Variants in C6orf132 observed in about 807,000 individuals in gnomAD.
C6orf132 encodes uncharacterized protein C6orf132.
C6orf132 carries 43 observed loss-of-function variants against 65.3 expected under a neutral mutation model. The ratio of observed to expected loss-of-function variants is 0.66; its 90% CI spans 0.52 to 0.85. C6orf132 has a LOEUF of 0.85. C6orf132 is among the 40% of genes least tolerant of loss of function. The pLI is 0.00. For missense variants in C6orf132, 1,488 were observed against 1,548.8 expected, an observed-to-expected ratio of 0.96 and a Z score of 0.66; for synonymous variants, 631 against 654.1, an observed-to-expected ratio of 0.96 and a Z score of 0.54.
intron 2 of C6orf132, among the ~76,000 whole-genome samples, chr6:42,119,291 C>T (rs1360542104): frequency 6.9e-6 from 1 of 144,672 alleles, no homozygotes; most frequent in Non-Finnish European, 1.5e-5. Flanking sequence ...AATTCCTGGC[C>T]TCCCAAAGTT....
At position 42,104,338 on chromosome 6, in the gene C6orf132, T is replaced by C. The variant is rs949151433; in HGVS notation, c.3449+125A>G. 31 of 1,221,358 alleles carry C rather than the reference T, an allele frequency of 2.5e-5. No homozygotes were observed. The Admixed American group carries it at 9.0e-4, about 35-fold the overall frequency. The allele number at this position is 1,221,358 out of a possible 1,614,324, so 75.7% of individuals were successfully genotyped here. A position where few individuals can be genotyped will look rare whatever the true frequency, so the allele number is the denominator to read the frequency against. ...CCGGTAAGTGGGCCTCCCTCCCGCGTTCTACCTGCAAGGCCGAAGGGAGAA... is the reference window on the plus strand; with the variant it reads ...CCGGTAAGTGGGCCTCCCTCCCGCGCTCTACCTGCAAGGCCGAAGGGAGAA... On this transcript the variant is annotated intron_variant, in intron 4 of 4. Transcript: ENST00000341865. The surrounding 1 kb of genome is among the most constrained non-coding windows in gnomAD (Gnocchi z 4.1).
chr6:42,116,839 T>A (rs189823684), intron 2 of C6orf132, among the ~76,000 whole-genome samples: 3 of 152,084 alleles, frequency 2.0e-5, no homozygotes, highest in East Asian at 3.9e-4. Context: ...GCAGCAGGGG[T>A]CCTCAGTGGG....
At position 42,106,955 on chromosome 6, in the gene C6orf132, TTCCTGAACTGGGATGGACGAAG is replaced by T. The variant is rs1291418188; in HGVS notation, c.935_956del (p.Thr312LysfsTer198). 1 of 1,536,178 alleles carries T rather than the reference TTCCTGAACTGGGATGGACGAAG, an allele frequency of 6.5e-7. No homozygotes were observed. Among genetic ancestry groups the T allele is most frequent in the Admixed American group, 2.0e-5 (1 of 50,928 alleles). On this transcript the variant is annotated frameshift_variant, in exon 4 of 5. Transcript: ENST00000341865. LOFTEE classifies it high-confidence loss of function. Reference sequence around the variant, plus strand: ...CTTCCTTTCGGGGAGCCTCTTGTGCTTCCTGAACTGGGATGGACGAAGTCCTGACTGGGGTTGGGGGAGGCAC... The same window carrying T: ...CTTCCTTTCGGGGAGCCTCTTGTGCTTCCTGACTGGGGTTGGGGGAGGCAC...
chr6:42,106,675 C>T lies in C6orf132; in HGVS notation c.1237G>A (p.Ala413Thr). The T allele has an allele frequency of 9.9e-7, 1 of 1,014,168 alleles. No individual in the cohort carries two copies. Among genetic ancestry groups the T allele is most frequent in the Non-Finnish European group, 1.2e-6 (1 of 845,544 alleles). The allele number at this position is 1,014,168 out of a possible 1,614,324, so 62.8% of individuals were successfully genotyped here. A position where few individuals can be genotyped will look rare whatever the true frequency, so the allele number is the denominator to read the frequency against. The change falls in exon 4 of 5, where the codon GCT (alanine) becomes ACT (threonine). Residue 413 changes from alanine to threonine, a missense_variant. Transcript: ENST00000341865. ...TGAGCACAGGGCAAAGGAGGTGCAG[C>T]TGGGGGAAGTGGGGGTGCTGGGGGA... is the stretch of plus-strand genomic sequence containing the variant. The part of the protein sequence containing the change: ...LPPPAPPLPP[A>T]APPLPCAQKA...
Position 42,115,707 on chromosome 6 carries a change from T to G in C6orf132, c.253-5416A>C, listed in dbSNP as rs574689104. Among the ~76,000 whole-genome samples the G allele has an allele frequency of 2.0e-5, 3 of 152,078 alleles. No individual in the cohort carries two copies. The South Asian group carries it at 6.2e-4, about 32-fold the overall frequency. On this transcript the variant is annotated intron_variant, in intron 2 of 4. Transcript: ENST00000341865. The stretch of plus-strand genomic sequence containing the variant: ...AACGGTAAATTTTATCTTATGTATA[T>G]CTTATAATAAAAAAGTTAAACAAAA...
chr6:42,119,248 C>CAAAAAAAAAAAAAAAAAAAAAAA (rs1156356191), intron 2 of C6orf132, among the ~76,000 whole-genome samples: 3 of 44,778 alleles, frequency 6.7e-5, no homozygotes, highest in African/African-American at 2.9e-4. Context: ...GACTCTGTCT[C>CAAAAAAAAAAAAAAAAAAAAAAA]AAAAAAAAAA....
chr6:42,104,797 AGCGCGAGAAGCC>A lies in C6orf132; in HGVS notation c.3103_3114del (p.Gly1035_Arg1038del), dbSNP rs1766362712. On this transcript the variant is annotated inframe_deletion, in exon 4 of 5. Coordinates refer to ENST00000341865, the MANE Select transcript of C6orf132 (RefSeq NM_001164446.3). The surrounding 1 kb of genome is among the most constrained non-coding windows in gnomAD (Gnocchi z 4.1). ...CCGGCGTAGCGCGCGCCCGCGGGAA[AGCGCGAGAAGCC>A]GAGAGCCGGGGGCGCCCCGGGGCCA... The A allele has an allele frequency of 6.7e-7, 1 of 1,491,592 alleles. No homozygotes were observed. Among genetic ancestry groups the A allele is most frequent in the Middle Eastern group, 2.1e-4 (1 of 4,834 alleles). The allele number at this position is 1,491,592 out of a possible 1,614,324, so 92.4% of individuals were successfully genotyped here.
chr6:42,127,254 C>T (rs1766782292), intron 2 of C6orf132, among the ~76,000 whole-genome samples: 1 of 152,182 alleles, frequency 6.6e-6, no homozygotes, highest in Admixed American at 6.5e-5. Context: ...TGATTTATAC[C>T]TTGTTGGTGG....
In C6orf132 at chr6:42,105,070, T is replaced by C. The variant is rs1233071167; in HGVS notation, c.2842A>G (p.Arg948Gly). 6.5e-7 allele frequency: 1 copy of C among 1,536,900 alleles called. No individual in the cohort carries two copies. ...PEPQAPVAWE[R>G]VAPSNLPQGH... ...TGGGGGAGGTTGGAGGGAGCTACTC[T>C]TTCCCAGGCCACAGGGGCCTGGGGC... The change falls in exon 4 of 5, where the codon AGA (arginine) becomes GGA (glycine). Residue 948 changes from arginine to glycine, a missense_variant. Coordinates refer to ENST00000341865, the MANE Select transcript of C6orf132 (RefSeq NM_001164446.3).
intron 2 of C6orf132, among the ~76,000 whole-genome samples, chr6:42,121,628 T>G (rs938865206): frequency 1.3e-5 from 2 of 152,230 alleles, no homozygotes; most frequent in Non-Finnish European, 2.9e-5. Context: ...GCTGGGCCAG[T>G]GGGCAATGCA....
rs552432298 is a variant in C6orf132 at position 42,133,239 on chromosome 6, C to T, written c.146-4461G>A. On this transcript the variant is annotated intron_variant, in intron 1 of 4. Coordinates refer to ENST00000341865, the MANE Select transcript of C6orf132 (RefSeq NM_001164446.3). ...CTGGTTTCCCTTGAGGAAGGAGGGGCGAGGAGGAGGTGAAGGGGGTGCCTG... is the reference window on the plus strand; with the variant it reads ...CTGGTTTCCCTTGAGGAAGGAGGGGTGAGGAGGAGGTGAAGGGGGTGCCTG... 1.4e-3 allele frequency among the ~76,000 whole-genome samples: 211 copies of T among 152,202 alleles called. 1 individual carries two copies. In the Middle Eastern group the frequency reaches 0.02, roughly 15 times the overall value.
rs988831163 is a variant in C6orf132, at chr6:42,110,242, T to C, written c.302A>G (p.Asp101Gly). 3 of 1,548,508 alleles carry C rather than the reference T, an allele frequency of 1.9e-6. No individual in the cohort carries two copies. Among genetic ancestry groups the C allele is most frequent in the African/African-American group, 1.4e-5 (1 of 72,850 alleles). Reference protein sequence around the residue: ...GLAVPTPSVPDDFADKEVTGT... With the variant: ...GLAVPTPSVPGDFADKEVTGT... ...TGTCACTTCTTTGTCTGCAAAATCA[T>C]CTGGAACCGAGGGGGTGGGCACAGC... Residue 101 changes from aspartate (D) to glycine (G), a missense_variant, in exon 3 of 5, where the codon GAT becomes GGT. By Grantham distance (94) the Asp-to-Gly change is moderately conservative (BLOSUM62 -1). Transcript: ENST00000341865.
intron 2 of C6orf132, among the ~76,000 whole-genome samples, chr6:42,116,408 C>A (rs10456507): frequency 0.1 from 15,610 of 152,080 alleles, 1,004 homozygotes; most frequent in South Asian, 0.19. Context: ...CTTGCAAACC[C>A]AGCTGGTCAT....
chr6:42,122,377 C>G (rs1025453531), intron 2 of C6orf132, among the ~76,000 whole-genome samples: 5 of 152,208 alleles, frequency 3.3e-5, no homozygotes, highest in Admixed American at 2.6e-4. Context: ...TCTTCTCTGG[C>G]CAGTCTTCCT....
At chr6:42,142,260 C>T in intron 1 of C6orf132, 40 bp downstream of exon 1, 1 of 1,537,432 alleles carries the variant, frequency 6.5e-7, no homozygotes, top group Non-Finnish European at 8.8e-7. Flanking sequence ...CCAGCGCCCT[C>T]CGTCCCCGCC....
rs75590982 is a variant in C6orf132 at position 42,128,997 on chromosome 6, G to A, written c.146-219C>T. On this transcript the variant is annotated intron_variant, in intron 1 of 4. Coordinates refer to ENST00000341865, the MANE Select transcript of C6orf132 (RefSeq NM_001164446.3). ...GCGCTGGGTGAGGGACTCGGTGTTC[G>A]TGGGGCTTTCAGCCCTCTGCAGCCA... is the stretch of plus-strand genomic sequence containing the variant. Among the ~76,000 whole-genome samples, 320 of 152,294 alleles carry A rather than the reference G, an allele frequency of 2.1e-3. 1 individual carries two copies. Among genetic ancestry groups the A allele is most frequent in the South Asian group, 8.3e-4 (4 of 4,822 alleles).
intron 2 of C6orf132, among the ~76,000 whole-genome samples, chr6:42,119,886 A>G (rs1766652138): frequency 6.6e-6 from 1 of 151,888 alleles, no homozygotes; most frequent in African/African-American, 2.4e-5. Flanking sequence ...ACCTGAGGTT[A>G]GGAGTTCAAG....
intron 2 of C6orf132, among the ~76,000 whole-genome samples, chr6:42,113,375 C>T (rs1432191313): frequency 1.3e-5 from 2 of 152,212 alleles, no homozygotes; most frequent in Non-Finnish European, 2.9e-5. Context: ...TGATGTTGAG[C>T]CATTGTCCAG....
In C6orf132 at chr6:42,105,756, T is replaced by C. The variant is rs1354080023; in HGVS notation, c.2156A>G (p.Lys719Arg). ...KDSGPAGQPE[K>R]PASQEVSTPS... ...AGTGGAAACTTCTTGAGATGCTGGC[T>C]TCTCTGGCTGGCCAGCTGGGCCTGA... is the stretch of plus-strand genomic sequence containing the variant. The change falls in exon 4 of 5, where the codon AAG becomes AGG. Residue 719 changes from lysine to arginine, a missense_variant. Transcript: ENST00000341865. 6.5e-7 allele frequency: 1 copy of C among 1,537,328 alleles called. No homozygotes were observed. Among genetic ancestry groups the C allele is most frequent in the East Asian group, 2.4e-5 (1 of 40,926 alleles).
Sources: gnomAD v4.1 joint callset for allele counts (sites outside exome capture counted in the v4.1 genomes callset) on GRCh38, gnomAD v4.1.1 for gene constraint, Gnocchi (gnomAD v3.1) non-coding constraint, MANE v1.5 for transcripts, NCBI Gene and HGNC (gene_info 2026-07-23, HGNC 2026-07-21) for gene names.